DENND1A: variants seen among roughly 807,000 people sequenced by gnomAD.
DENND1A encodes DENN domain containing 1A.
Under a neutral mutation model 113.7 loss-of-function variants are expected in DENND1A, and 51 were observed. The observed-to-expected ratio is 0.45, with a 90% CI of 0.36 to 0.57. The LOEUF is 0.57. DENND1A is among the 20% of genes least tolerant of loss of function. The pLI is 0.00. For missense variants in DENND1A, 1,258 were observed against 1,395.9 expected, an observed-to-expected ratio of 0.90 and a Z score of 1.57; for synonymous variants, 565 against 570.8, an observed-to-expected ratio of 0.99 and a Z score of 0.14.
chr9:123,560,409 A>G (rs1332244855), intron 12 of DENND1A, among the ~76,000 whole-genome samples: 1 of 152,194 alleles, frequency 6.6e-6, no homozygotes, highest in East Asian at 1.9e-4. Context: ...CCCTCCTCTG[A>G]TAAGTTAGAA....
intron 3 of DENND1A, among the ~76,000 whole-genome samples, chr9:123,792,005 A>C (rs1833055038): frequency 6.6e-6 from 1 of 152,194 alleles, no homozygotes. Context: ...CTTGTGAGTA[A>C]AATCGTTCCT....
At chr9:123,427,083 G>C (rs1395071341) in intron 19 of DENND1A, among the ~76,000 whole-genome samples, 2 of 152,236 alleles carry the variant, frequency 1.3e-5, no homozygotes, top group Non-Finnish European at 2.9e-5. Flanking sequence ...GAGAATGCTG[G>C]TGGGGAGACC....
In DENND1A at chr9:123,443,703, C is replaced by T. The variant is rs531608504; in HGVS notation, c.1357-3212G>A. ...GGTGTGGAGGCTCACGCCGGTAATCCCAGCACTTTAGGGGGTCGAGGTGGA... is the reference window on the plus strand; with the variant it reads ...GGTGTGGAGGCTCACGCCGGTAATCTCAGCACTTTAGGGGGTCGAGGTGGA... On this transcript the variant is annotated intron_variant, in intron 18 of 23. Transcript: ENST00000394215. Among the ~76,000 whole-genome samples the T allele has an allele frequency of 2.6e-5, 4 of 152,282 alleles. No homozygotes were observed. In the South Asian group the frequency reaches 8.3e-4, roughly 32 times the overall value.
At chr9:123,846,213 G>A (rs1842598682) in intron 2 of DENND1A, among the ~76,000 whole-genome samples, 1 of 152,208 alleles carries the variant, frequency 6.6e-6, no homozygotes, top group African/African-American at 2.4e-5. Context: ...CAAGAATGTA[G>A]AGAAACTGGA....
chr9:123,414,650 A>C, intron 19 of DENND1A: 1 of 1,535,428 alleles, frequency 6.5e-7, no homozygotes, highest in Non-Finnish European at 8.8e-7. Context: ...ACCAGGCAAA[A>C]ACCTATTAAC....
chr9:123,454,529 C>A (rs1312235286), intron 16 of DENND1A, among the ~76,000 whole-genome samples: 2 of 152,210 alleles, frequency 1.3e-5, no homozygotes. Flanking sequence ...GCCTCTCATG[C>A]CTTTTTCAGC....
At chr9:123,745,961 TA>T (rs1417973573) in intron 5 of DENND1A, among the ~76,000 whole-genome samples, 1 of 152,236 alleles carries the variant, frequency 6.6e-6, no homozygotes, top group East Asian at 1.9e-4. Flanking sequence ...CTAAATTGCA[TA>T]ATGCAACTCA....
chr9:123,757,579 A>G (rs908882032), intron 5 of DENND1A, 124 bp downstream of exon 5: 3 of 1,371,596 alleles, frequency 2.2e-6, no homozygotes, highest in African/African-American at 1.4e-5. Flanking sequence ...CCCCAAATGC[A>G]GTGACTTGTG....
At chr9:123,502,739 T>C (rs1187314314) in intron 13 of DENND1A, among the ~76,000 whole-genome samples, 4 of 152,254 alleles carry the variant, frequency 2.6e-5, no homozygotes, top group Non-Finnish European at 2.9e-5. Flanking sequence ...TTTGGTGTCA[T>C]AGCCAAGAAG....
chr9:123,380,381 T>G lies in DENND1A; in HGVS notation c.*1051A>C, dbSNP rs977320369. 1.3e-5 allele frequency: 2 copies of G among 152,592 alleles called. No homozygotes were observed. The highest frequency in any genetic ancestry group is 2.9e-5 in the Non-Finnish European group (2 of 68,046). The allele number at this position is 152,592 out of a possible 1,614,324, so 9.5% of individuals were successfully genotyped here. ...GTGCTGGCCTGGAGCTCTGGGCAGG[T>G]GGGGAGGGACTGGCTTCTAGCCCTC... On this transcript the variant is annotated 3_prime_UTR_variant, in exon 24 of 24. Transcript: ENST00000394215.
At chr9:123,623,241 C>T (rs774694515) in intron 10 of DENND1A, among the ~76,000 whole-genome samples, 12 of 152,164 alleles carry the variant, frequency 7.9e-5, no homozygotes, top group Non-Finnish European at 1.3e-4. Flanking sequence ...AAGAATAATG[C>T]TTAATGTGAG....
chr9:123,818,864 G>A (rs946688400), intron 2 of DENND1A, among the ~76,000 whole-genome samples: 1 of 152,090 alleles, frequency 6.6e-6, no homozygotes, highest in South Asian at 2.1e-4. Flanking sequence ...AGACTACTAA[G>A]TGTCTTATAA....
At chr9:123,398,728 G>T (rs2043269026) in intron 21 of DENND1A, among the ~76,000 whole-genome samples, 1 of 150,788 alleles carries the variant, frequency 6.6e-6, no homozygotes, top group South Asian at 2.1e-4. Flanking sequence ...ACCTATACCT[G>T]GCAGACCAAA....
intron 10 of DENND1A, among the ~76,000 whole-genome samples, chr9:123,625,565 G>A (rs907011780): frequency 2.6e-5 from 4 of 152,122 alleles, no homozygotes; most frequent in African/African-American, 4.8e-5. Context: ...CCAACATGGC[G>A]AAACCCTGTC....
At chr9:123,538,563 T>C (rs1008700715) in intron 13 of DENND1A, among the ~76,000 whole-genome samples, 2 of 151,906 alleles carry the variant, frequency 1.3e-5, no homozygotes, top group African/African-American at 4.8e-5. Context: ...ACTAGGTTCA[T>C]GTAGAAAAAA....
intron 5 of DENND1A, among the ~76,000 whole-genome samples, chr9:123,714,488 G>A (rs1424003288): frequency 6.6e-6 from 1 of 152,122 alleles, no homozygotes; most frequent in East Asian, 1.9e-4. Flanking sequence ...TGTAATCCCA[G>A]CTACCAGGGA....
rs1264279838 is a variant in DENND1A, at chr9:123,380,209, T to G, written c.*1223A>C. 1.3e-5 allele frequency: 2 copies of G among 152,426 alleles called. No individual in the cohort carries two copies. The highest frequency in any genetic ancestry group is 2.9e-5 in the Non-Finnish European group (2 of 68,042). The allele number at this position is 152,426 out of a possible 1,614,324, so 9.4% of individuals were successfully genotyped here. A position where few individuals can be genotyped will look rare whatever the true frequency, so the allele number is the denominator to read the frequency against. ...CAATTTCCTGCGTGTCTCAGATGGT[T>G]GTTTTCTTAAATGGTCGGGCCATAC... On this transcript the variant is annotated 3_prime_UTR_variant, in exon 24 of 24. Coordinates refer to ENST00000394215, the MANE Select transcript of DENND1A (RefSeq NM_001352964.2).
chr9:123,464,067 A>G (rs974238577), intron 13 of DENND1A, among the ~76,000 whole-genome samples: 5 of 152,188 alleles, frequency 3.3e-5, no homozygotes, highest in African/African-American at 1.2e-4. Context: ...CATGTACCCC[A>G]TAACTTAAAA....
intron 2 of DENND1A, among the ~76,000 whole-genome samples, chr9:123,868,817 T>C (rs1193794742): frequency 2.0e-5 from 3 of 152,144 alleles, no homozygotes; most frequent in Non-Finnish European, 4.4e-5. Flanking sequence ...AACTAAGCAT[T>C]AAGAAAAGAA....
Sources: allele counts gnomAD v4.1 joint callset (sites outside exome capture counted in the v4.1 genomes callset), GRCh38; gene constraint gnomAD v4.1.1; transcripts MANE v1.5; gene names NCBI Gene and HGNC (gene_info 2026-07-23, HGNC 2026-07-21).